HOOK1: variants seen among roughly 807,000 people sequenced by gnomAD.
The protein encoded by HOOK1 is hook microtubule tethering protein 1.
A neutral mutation model predicts 112.8 loss-of-function variants in HOOK1; 60 were observed. The ratio of observed to expected loss-of-function variants is 0.53; its 90% CI spans 0.43 to 0.66. HOOK1 has a LOEUF of 0.66. HOOK1 is among the 30% of genes least tolerant of loss of function. HOOK1 has a pLI of 0.00. For missense variants in HOOK1, 770 were observed against 856.0 expected, an observed-to-expected ratio of 0.90 and a Z score of 1.25; for synonymous variants, 294 against 283.8, an observed-to-expected ratio of 1.04 and a Z score of -0.36.
chr1:59,860,059 A>T, intron 14 of HOOK1, 129 bp from the exon 15 acceptor site: 1 of 576,466 alleles, frequency 1.7e-6, no homozygotes, highest in Non-Finnish European at 2.9e-6. Flanking sequence ...CCTACCAGCT[A>T]TGCTAGCTGG....
rs1369854267 is a variant in HOOK1 at position 59,848,364 on chromosome 1, C to T, written c.979C>T (p.Arg327Cys). The change falls in exon 11 of 22, where the codon CGT becomes TGT. Residue 327 changes from arginine to cysteine, a missense_variant. Coordinates refer to ENST00000371208, the MANE Select transcript of HOOK1 (RefSeq NM_015888.6). ...ACTGGAGTCAACAGTTGAGATATAT[C>T]GTCAGAAGCTACAAGATCTGAATGA... ...NKLESTVEIY[R>C]QKLQDLNDLR... The T allele has an allele frequency of 9.9e-6, 16 of 1,610,858 alleles. No individual in the cohort carries two copies. Among genetic ancestry groups the T allele is most frequent in the Non-Finnish European group, 1.2e-5 (14 of 1,177,950 alleles).
Position 59,864,672 on chromosome 1 carries a change from TA to T in HOOK1, c.1661+10del. 1 of 1,497,140 alleles carries T rather than the reference TA, an allele frequency of 6.7e-7. No individual in the cohort carries two copies. The highest frequency in any genetic ancestry group is 9.2e-7 in the Non-Finnish European group (1 of 1,082,404). The allele number at this position is 1,497,140 out of a possible 1,614,324, so 92.7% of individuals were successfully genotyped here. ...CAGAAGTTGGAAGCTCATATGTAAG[TA>T]AAACTGATATTTCTTTTCAAATATG... On this transcript the variant is annotated splice_region_variant and intron_variant, in intron 17 of 21. Transcript: ENST00000371208.
intron 9 of HOOK1, among the ~76,000 whole-genome samples, chr1:59,843,839 G>A (rs1026084009): frequency 6.6e-6 from 1 of 151,926 alleles, no homozygotes; most frequent in Non-Finnish European, 1.5e-5. Context: ...CCAAATCAAG[G>A]CCATAGGACA....
At chr1:59,849,050 T>A in intron 11 of HOOK1, 23 bp from the exon 12 acceptor site, 1 of 1,505,592 alleles carries the variant, frequency 6.6e-7, no homozygotes, top group Non-Finnish European at 9.2e-7. Context: ...AAGGACCTTT[T>A]TTCCTTTTGT....
Position 59,876,148 on chromosome 1 carries a change from A to G in HOOK1, c.*3183A>G, listed in dbSNP as rs138590482. 1.4e-3 allele frequency: 219 copies of G among 152,814 alleles called. 1 individual carries two copies. The highest frequency in any genetic ancestry group is 5.0e-3 in the African/African-American group (210 of 41,588). The allele number at this position is 152,814 out of a possible 1,614,324, so 9.5% of individuals were successfully genotyped here. On this transcript the variant is annotated 3_prime_UTR_variant, in exon 22 of 22. Coordinates refer to ENST00000371208, the MANE Select transcript of HOOK1 (RefSeq NM_015888.6). The stretch of plus-strand genomic sequence containing the variant: ...TTTGGAAATTTGTAAAGCACAAACC[A>G]TAAAAGAGTGTGGAGTTATTAAATG...
At chr1:59,831,690 A>G (rs1365721041) in intron 3 of HOOK1, among the ~76,000 whole-genome samples, 1 of 152,146 alleles carries the variant, frequency 6.6e-6, no homozygotes, top group African/African-American at 2.4e-5. Flanking sequence ...CCACCTCCCT[A>G]TGCTGTAGTC....
chr1:59,858,441 A>T lies in HOOK1; in HGVS notation c.1256A>T (p.Gln419Leu), dbSNP rs1352453545. 6.2e-7 allele frequency: 1 copy of T among 1,610,106 alleles called. No homozygotes were observed. The highest frequency in any genetic ancestry group is 1.7e-5 in the Admixed American group (1 of 60,008). ...LLKEKERLIE[Q>L]RDTLKETNEE... Reference sequence around the variant, plus strand: ...AATTCTTTTCAGAGACTAATTGAGCAGCGTGATACTTTGAAAGAAACAAAT... The same window carrying T: ...AATTCTTTTCAGAGACTAATTGAGCTGCGTGATACTTTGAAAGAAACAAAT... Residue 419 changes from glutamine to leucine, a missense_variant, in exon 13 of 22, where the codon CAG (glutamine) becomes CTG (leucine). Transcript: ENST00000371208.
chr1:59,819,344 T>C (rs946225280), intron 1 of HOOK1, among the ~76,000 whole-genome samples: 1 of 151,866 alleles, frequency 6.6e-6, no homozygotes, highest in Non-Finnish European at 1.5e-5. Flanking sequence ...GAGACAGGGT[T>C]TCACCATGTT....
chr1:59,825,966 T>C (rs1004942237), intron 2 of HOOK1, among the ~76,000 whole-genome samples: 1 of 152,148 alleles, frequency 6.6e-6, no homozygotes, highest in Admixed American at 6.5e-5. Context: ...TATACAACTG[T>C]CCAAAATATA....
At chr1:59,817,372 C>G (rs1201426620) in intron 1 of HOOK1, among the ~76,000 whole-genome samples, 1 of 152,126 alleles carries the variant, frequency 6.6e-6, no homozygotes, top group Non-Finnish European at 1.5e-5. Context: ...GTTATATTAC[C>G]ATTTTCTTAC....
At chr1:59,843,624 T>G in intron 9 of HOOK1, 26 bp downstream of exon 9, 1 of 1,571,634 alleles carries the variant, frequency 6.4e-7, no homozygotes, top group Non-Finnish European at 8.7e-7. Flanking sequence ...GAAATCATTT[T>G]ATGGAGTTCT....
At chr1:59,833,262 G>T in intron 4 of HOOK1, 143 bp from the exon 5 acceptor site, 1 of 673,534 alleles carries the variant, frequency 1.5e-6, no homozygotes, top group East Asian at 3.1e-5. Context: ...TTGCTAACTG[G>T]TTTTAATAAT....
At chr1:59,862,447 A>C (rs2098414128) in intron 15 of HOOK1, among the ~76,000 whole-genome samples, 1 of 152,184 alleles carries the variant, frequency 6.6e-6, no homozygotes, top group African/African-American at 2.4e-5. Flanking sequence ...TCTAGTTTTC[A>C]TTCATTAAAA....
At position 59,865,227 on chromosome 1, in the gene HOOK1, C is replaced by A; in HGVS notation, c.1726C>A (p.Pro576Thr). 1 of 1,601,266 alleles carries A rather than the reference C, an allele frequency of 6.2e-7. No individual in the cohort carries two copies. The highest frequency in any genetic ancestry group is 8.6e-7 in the Non-Finnish European group (1 of 1,168,466). Residue 576 changes from proline to threonine, a missense_variant, in exon 18 of 22, where the codon CCA (proline) becomes ACA (threonine). Physicochemically the swap from Pro to Thr is conservative, Grantham distance 38. Coordinates refer to ENST00000371208, the MANE Select transcript of HOOK1 (RefSeq NM_015888.6). Reference protein sequence around the residue: ...KKQELIEDLQPDINQNVQKIN... With the variant: ...KKQELIEDLQTDINQNVQKIN... The stretch of plus-strand genomic sequence containing the variant: ...ACAAGAACTCATTGAAGATCTTCAG[C>A]CAGATATAAATCAAAATGGTAGGTA...
chr1:59,866,521 C>T (rs3768002), intron 19 of HOOK1, among the ~76,000 whole-genome samples: 7,237 of 152,174 alleles, frequency 0.048, 408 homozygotes, highest in African/African-American at 0.13. Flanking sequence ...GGCACTTCTC[C>T]ATGTAGTCAT....
At chr1:59,825,536 G>C (rs2098389236) in intron 2 of HOOK1, among the ~76,000 whole-genome samples, 1 of 152,168 alleles carries the variant, frequency 6.6e-6, no homozygotes, top group South Asian at 2.1e-4. Context: ...CATCATTATA[G>C]AACTTATTTG....
chr1:59,868,630 A>G (rs974725545), intron 20 of HOOK1, among the ~76,000 whole-genome samples: 1 of 152,244 alleles, frequency 6.6e-6, no homozygotes, highest in Non-Finnish European at 1.5e-5. Context: ...GAGACCTGCT[A>G]TAATGTTTCT....
chr1:59,856,194 C>T (rs2102059256), intron 12 of HOOK1, among the ~76,000 whole-genome samples: 1 of 149,062 alleles, frequency 6.7e-6, no homozygotes, highest in East Asian at 2.0e-4. Flanking sequence ...AATCCTTTCA[C>T]CTTAGCTCTT....
At chr1:59,818,715 G>C (rs1251788811) in intron 1 of HOOK1, among the ~76,000 whole-genome samples, 2 of 152,140 alleles carry the variant, frequency 1.3e-5, no homozygotes, top group African/African-American at 4.8e-5. Context: ...GAAGGAAAGA[G>C]TAATAATTAA....
Sources: gnomAD v4.1 joint callset for allele counts (sites outside exome capture counted in the v4.1 genomes callset) on GRCh38, gnomAD v4.1.1 for gene constraint, MANE v1.5 for transcripts, NCBI Gene and HGNC (gene_info 2026-07-23, HGNC 2026-07-21) for gene names.